RAP1B: variants seen among roughly 807,000 people sequenced by gnomAD.
The protein encoded by RAP1B is RAP1B, member of RAS oncogene family, also known as ras-related protein Rap-1b.
In RAP1B, 1 loss-of-function variant was observed where a neutral mutation model predicts 27.5. The ratio of observed to expected loss-of-function variants is 0.04; its 90% confidence interval spans 0.01 to 0.17. The LOEUF (loss-of-function observed/expected upper bound fraction) is 0.17, where lower values mean the gene tolerates loss of function less well. Among genes scored for constraint, RAP1B ranks in the 10% least tolerant of loss-of-function variants. The pLI is 1.00. For missense variants in RAP1B, 84 were observed against 214.8 expected, an observed-to-expected ratio of 0.39 and a Z score of 3.81; for synonymous variants, 75 against 73.1, an observed-to-expected ratio of 1.03 and a Z score of -0.13.
chr12:68,629,683 T>A (rs1449054903), intron 1 of RAP1B, among the ~76,000 whole-genome samples: 1 of 152,214 alleles, frequency 6.6e-6, no homozygotes, highest in African/African-American at 2.4e-5. Flanking sequence ...TTTATCATCC[T>A]CATGAATGAT....
intron 1 of RAP1B, among the ~76,000 whole-genome samples, chr12:68,611,948 AT>A (rs1181030872): frequency 6.6e-6 from 1 of 152,106 alleles, no homozygotes; most frequent in Non-Finnish European, 1.5e-5. Flanking sequence ...AGAAAAGATC[AT>A]TTTTGCAAGT....
chr12:68,617,909 G>T (rs1369587116), intron 1 of RAP1B, among the ~76,000 whole-genome samples: 4 of 151,640 alleles, frequency 2.6e-5, no homozygotes, highest in Non-Finnish European at 4.4e-5. Flanking sequence ...GCCTACAGGC[G>T]CATGCCACCA....
intron 1 of RAP1B, among the ~76,000 whole-genome samples, chr12:68,629,889 T>C (rs933102290): frequency 8.5e-5 from 13 of 152,240 alleles, no homozygotes; most frequent in Non-Finnish European, 1.8e-4. Flanking sequence ...GTTTGGCATA[T>C]ATTTTGCAAC....
intron 7 of RAP1B, among the ~76,000 whole-genome samples, chr12:68,658,535 G>A (rs920978244): frequency 1.3e-5 from 2 of 151,978 alleles, no homozygotes; most frequent in African/African-American, 4.8e-5. Flanking sequence ...AATATAATAG[G>A]GAACATTTTT....
At chr12:68,650,366 T>C in intron 2 of RAP1B, 34 bp from the exon 3 acceptor site, 1 of 1,491,762 alleles carries the variant, frequency 6.7e-7, no homozygotes, top group Non-Finnish European at 9.0e-7. Flanking sequence ...CTCTTTTCTT[T>C]AGAAGTATAA....
intron 1 of RAP1B, chr12:68,643,081 C>CA: frequency 1.5e-6 from 1 of 647,142 alleles, no homozygotes; most frequent in Non-Finnish European, 2.8e-6. Flanking sequence ...AAATTTCTTT[C>CA]AGAGTTTTTC....
intron 6 of RAP1B, 32 bp from the exon 7 acceptor site, chr12:68,657,069 C>T (rs1378379485): frequency 1.9e-6 from 3 of 1,563,442 alleles, no homozygotes; most frequent in Non-Finnish European, 2.6e-6. Context: ...GGTGTTCCTC[C>T]TGTAAATTAA....
rs1468125247 is a variant in RAP1B at position 68,671,819 on chromosome 12, G to T, written c.*12570G>T. 2.6e-5 allele frequency: 4 copies of T among 151,686 alleles called. No individual in the cohort carries two copies. The highest frequency in any genetic ancestry group is 9.7e-5 in the African/African-American group (4 of 41,242). 9.4% of individuals were successfully genotyped at this position (151,686 alleles called of 1,614,324 possible). On this transcript the variant is annotated 3_prime_UTR_variant, in exon 8 of 8. Transcript: ENST00000250559. ...ATATAAAAAAAAAAGCTATATGAAT[G>T]TCATCATTATATGTAAAATATGAAT...
intron 2 of RAP1B, chr12:68,649,691 A>G (rs1214180719): frequency 1.3e-5 from 2 of 152,252 alleles, no homozygotes; most frequent in African/African-American, 4.8e-5. Flanking sequence ...TGAGAAGTAC[A>G]TACAATGTGA....
chr12:68,647,609 C>A (rs927422876), intron 1 of RAP1B, among the ~76,000 whole-genome samples: 39 of 149,382 alleles, frequency 2.6e-4, no homozygotes, highest in African/African-American at 9.4e-4. Flanking sequence ...CCTTGCTAGA[C>A]TGCTGGTCTT....
intron 4 of RAP1B, among the ~76,000 whole-genome samples, chr12:68,652,879 T>TA (rs1873915319): frequency 6.6e-6 from 1 of 152,192 alleles, no homozygotes; most frequent in South Asian, 2.1e-4. Flanking sequence ...TTTCAAATAA[T>TA]ACAGGCATAC....
chr12:68,634,471 C>T (rs993383875), intron 1 of RAP1B, among the ~76,000 whole-genome samples: 1 of 152,058 alleles, frequency 6.6e-6, no homozygotes, highest in Non-Finnish European at 1.5e-5. Flanking sequence ...GAAAAAAGGA[C>T]ATTTTTTTAA....
At chr12:68,642,095 A>G (rs1873052869) in intron 1 of RAP1B, among the ~76,000 whole-genome samples, 1 of 152,220 alleles carries the variant, frequency 6.6e-6, no homozygotes, top group Admixed American at 6.5e-5. Flanking sequence ...GGAGTCCCTC[A>G]TTAGTTGGTA....
At chr12:68,639,267 G>A (rs940663142) in intron 1 of RAP1B, among the ~76,000 whole-genome samples, 4 of 152,180 alleles carry the variant, frequency 2.6e-5, no homozygotes, top group Admixed American at 6.5e-5. Flanking sequence ...CCTGGCTGAT[G>A]TAAGTCATCT....
intron 2 of RAP1B, 187 bp downstream of exon 2, chr12:68,648,968 C>G: frequency 1.9e-6 from 1 of 539,608 alleles, no homozygotes; most frequent in Non-Finnish European, 3.2e-6. Context: ...CTCTCTGGAA[C>G]ATTGACTCCA....
intron 1 of RAP1B, among the ~76,000 whole-genome samples, chr12:68,622,935 C>G (rs1337468648): frequency 6.6e-6 from 1 of 152,166 alleles, no homozygotes; most frequent in East Asian, 1.9e-4. Flanking sequence ...CTACTGGGCT[C>G]AAGGATCTTC....
chr12:68,612,898 C>T (rs913364049), intron 1 of RAP1B, among the ~76,000 whole-genome samples: 3 of 152,090 alleles, frequency 2.0e-5, no homozygotes, highest in African/African-American at 7.2e-5. Context: ...CCTTGTTTGA[C>T]GTTGACAATA....
At position 68,628,515 on chromosome 12, in the gene RAP1B, C is replaced by T. The variant is rs572216042; in HGVS notation, c.-27+17472C>T. On this transcript the variant is annotated intron_variant, in intron 1 of 7. Coordinates refer to ENST00000250559, the MANE Select transcript of RAP1B (RefSeq NM_001010942.3). Reference sequence around the variant, plus strand: ...TATAACTTCCAACAGGAAACCTTGTCCAATGCGTGATTTTAGAAAATTTAG... The same window carrying T: ...TATAACTTCCAACAGGAAACCTTGTTCAATGCGTGATTTTAGAAAATTTAG... 2.2e-4 allele frequency among the ~76,000 whole-genome samples: 34 copies of T among 152,202 alleles called. No individual in the cohort carries two copies. In the South Asian group the frequency reaches 5.2e-3, roughly 23 times the overall value.
intron 7 of RAP1B, 78 bp downstream of exon 7, chr12:68,657,295 A>G: frequency 1.2e-6 from 1 of 859,022 alleles, no homozygotes; most frequent in Non-Finnish European, 1.8e-6. Flanking sequence ...GCAAGTATAG[A>G]CTTCTTTTTG....
Sources: gnomAD v4.1 joint callset for allele counts (sites outside exome capture counted in the v4.1 genomes callset) on GRCh38, gnomAD v4.1.1 for gene constraint, MANE v1.5 for transcripts, NCBI Gene and HGNC (gene_info 2026-07-23, HGNC 2026-07-21) for gene names.